MPDZ: variants seen among roughly 807,000 people sequenced by gnomAD.
The protein encoded by MPDZ is multiple PDZ domain protein.
MPDZ carries 234 observed loss-of-function variants against 239.1 expected under a neutral mutation model. The ratio of observed to expected loss-of-function variants is 0.98; its 90% CI spans 0.88 to 1.09. The LOEUF (loss-of-function observed/expected upper bound fraction) is 1.09. MPDZ is among the 50% of genes least tolerant of loss of function. MPDZ has a pLI of 0.00. For synonymous variants in MPDZ, 1,048 were observed against 881.3 expected, an observed-to-expected ratio of 1.19 and a Z score of -3.35; for missense variants, 3,175 against 2,510.0, an observed-to-expected ratio of 1.26 and a Z score of -5.66.
chr9:13,205,010 A>C, intron 12 of MPDZ, 26 bp downstream of exon 12: 1 of 1,359,786 alleles, frequency 7.4e-7, no homozygotes. Context: ...AATGAAGTAC[A>C]CAATAAGCTG....
chr9:13,277,872 G>A (rs1974596994), intron 1 of MPDZ, among the ~76,000 whole-genome samples: 1 of 152,062 alleles, frequency 6.6e-6, no homozygotes, highest in Non-Finnish European at 1.5e-5. Flanking sequence ...GCCAAGTTTT[G>A]CTAGGTTTTT....
chr9:13,205,852 G>C, intron 11 of MPDZ, 64 bp downstream of exon 11: 1 of 1,403,950 alleles, frequency 7.1e-7, no homozygotes. Flanking sequence ...AGTTACTTTG[G>C]AATTTAAAAA....
At chr9:13,250,175 TA>T in intron 2 of MPDZ, 124 bp downstream of exon 2, 4 of 815,722 alleles carry the variant, frequency 4.9e-6, no homozygotes, top group Non-Finnish European at 3.8e-6. Context: ...TGCTAGTAGG[TA>T]AAAACTTTTT....
chr9:13,135,594 T>C (rs577111950), intron 31 of MPDZ: 1 of 152,312 alleles, frequency 6.6e-6, no homozygotes, highest in Non-Finnish European at 1.5e-5. Context: ...AGCTGGCACA[T>C]GTTGGCCTAT....
chr9:13,224,315 G>A, intron 4 of MPDZ, 59 bp downstream of exon 4: 1 of 1,390,624 alleles, frequency 7.2e-7, no homozygotes, highest in East Asian at 2.3e-5. Context: ...TCCATAACTT[G>A]ATCACATTCT....
At chr9:13,196,740 A>G (rs1275469250) in intron 12 of MPDZ, among the ~76,000 whole-genome samples, 1 of 152,048 alleles carries the variant, frequency 6.6e-6, no homozygotes, top group African/African-American at 2.4e-5. Flanking sequence ...TTAAAATAAA[A>G]GCCTATTAAT....
Position 13,215,352 on chromosome 9 carries a change from A to G in MPDZ, c.1290+1422T>C, listed in dbSNP as rs971866700. Among the ~76,000 whole-genome samples the G allele has an allele frequency of 3.3e-5, 5 of 151,588 alleles. No individual in the cohort carries two copies. In the South Asian group the frequency reaches 6.2e-4, roughly 19 times the overall value. Reference sequence around the variant, plus strand: ...ATATATATATATCACATTTTGATATATATATATCAATATGTGTGTATATAT... The same window carrying G: ...ATATATATATATCACATTTTGATATGTATATATCAATATGTGTGTATATAT... On this transcript the variant is annotated intron_variant, in intron 10 of 46. Coordinates refer to ENST00000319217, the MANE Select transcript of MPDZ (RefSeq NM_001378778.1).
intron 18 of MPDZ, among the ~76,000 whole-genome samples, chr9:13,184,405 A>C (rs755153184): frequency 2.0e-5 from 3 of 151,906 alleles, no homozygotes; most frequent in Non-Finnish European, 4.4e-5. Flanking sequence ...GCAAAATTCC[A>C]TATGTTCTAA....
chr9:13,124,392 G>C (rs1944815137), intron 35 of MPDZ, among the ~76,000 whole-genome samples: 2 of 152,058 alleles, frequency 1.3e-5, no homozygotes, highest in South Asian at 4.1e-4. Flanking sequence ...ATTTAAACTA[G>C]TGTTTCCTTA....
At chr9:13,254,665 A>G (rs1008004428) in intron 1 of MPDZ, among the ~76,000 whole-genome samples, 4 of 152,244 alleles carry the variant, frequency 2.6e-5, no homozygotes, top group African/African-American at 7.2e-5. Flanking sequence ...AAGGGGTCAC[A>G]TGAATTTTTT....
chr9:13,235,928 A>G (rs546187093), intron 3 of MPDZ, among the ~76,000 whole-genome samples: 2 of 152,174 alleles, frequency 1.3e-5, no homozygotes, highest in South Asian at 4.1e-4. Context: ...CTGGATGATC[A>G]ATAACCTACC....
chr9:13,126,294 C>T (rs866222688), intron 34 of MPDZ, among the ~76,000 whole-genome samples: 1 of 152,026 alleles, frequency 6.6e-6, no homozygotes, highest in South Asian at 2.1e-4. Context: ...TCAAAACTGC[C>T]CAGTGAATAT....
At chr9:13,187,636 G>A (rs942259835) in intron 17 of MPDZ, among the ~76,000 whole-genome samples, 2 of 151,946 alleles carry the variant, frequency 1.3e-5, no homozygotes, top group Non-Finnish European at 2.9e-5. Flanking sequence ...CTAAAAAGTG[G>A]TGCACAAAAC....
intron 15 of MPDZ, among the ~76,000 whole-genome samples, chr9:13,190,501 T>C (rs1335624438): frequency 6.6e-6 from 1 of 152,176 alleles, no homozygotes; most frequent in African/African-American, 2.4e-5. Flanking sequence ...ACCTAAGTTT[T>C]AACAAACATT....
chr9:13,258,604 C>T (rs1052100335), intron 1 of MPDZ, among the ~76,000 whole-genome samples: 5 of 152,194 alleles, frequency 3.3e-5, no homozygotes, highest in African/African-American at 1.2e-4. Flanking sequence ...TTTTGGGTAA[C>T]ATTACTGAAC....
chr9:13,165,435 A>G, intron 22 of MPDZ: 4 of 1,548,092 alleles, frequency 2.6e-6, no homozygotes, highest in Non-Finnish European at 2.6e-6. Context: ...ACGCCGCGGC[A>G]TCTTTTTACA....
Position 13,205,023 on chromosome 9 carries a change from G to A in MPDZ, c.1546+13C>T, listed in dbSNP as rs186551726. The A allele has an allele frequency of 5.8e-4, 823 of 1,419,090 alleles. 3 individuals carry two copies. In the African/African-American group the frequency reaches 0.011, roughly 19 times the overall value. 87.9% of individuals were successfully genotyped at this position (1,419,090 alleles called of 1,614,324 possible). A position where few individuals can be genotyped will look rare whatever the true frequency, so the allele number is the denominator to read the frequency against. On this transcript the variant is annotated intron_variant, in intron 12 of 46. Coordinates refer to ENST00000319217, the MANE Select transcript of MPDZ (RefSeq NM_001378778.1). ...ATAATGAAGTACACAATAAGCTGGC[G>A]CTAGGTGTTTACCTTCTTCTTCAGT...
chr9:13,188,492 T>C (rs1028223666), intron 17 of MPDZ, among the ~76,000 whole-genome samples: 47 of 152,220 alleles, frequency 3.1e-4, no homozygotes, highest in African/African-American at 1.1e-3. Context: ...CACTCCAGCC[T>C]GAGCAACAGA....
chr9:13,223,689 CA>C lies in MPDZ; in HGVS notation c.414del (p.Phe138LeufsTer18), dbSNP rs1267168609. The C allele has an allele frequency of 5.6e-6, 9 of 1,607,146 alleles. No individual in the cohort carries two copies. The highest frequency in any genetic ancestry group is 1.3e-5 in the African/African-American group (1 of 74,570). ...CCTCCAGATGGAGGTTTGAGGAGCT[CA>C]AAAACTTCTACATGGCGACCCTGTT... ...NMAQGRHVEV[F>X]ELLKPPSGGL... On this transcript the variant is annotated frameshift_variant, in exon 5 of 47. Transcript: ENST00000319217. LOFTEE classifies it high-confidence loss of function.
Sources: gnomAD v4.1 joint callset for allele counts (sites outside exome capture counted in the v4.1 genomes callset) on GRCh38, gnomAD v4.1.1 for gene constraint, MANE v1.5 for transcripts, NCBI Gene and HGNC (gene_info 2026-07-23, HGNC 2026-07-21) for gene names.